The following CSF1 variants were observed in gnomAD, a reference collection of about 807,000 sequenced individuals.
The protein encoded by CSF1 is colony stimulating factor 1, also known as macrophage colony-stimulating factor 1.
CSF1 carries 9 observed loss-of-function variants against 48.9 expected under a neutral mutation model. The ratio of observed to expected loss-of-function variants is 0.18; its 90% CI spans 0.11 to 0.32. The LOEUF (loss-of-function observed/expected upper bound fraction) is 0.32, where lower values mean the gene tolerates loss of function less well. CSF1 is among the 10% of genes least tolerant of loss of function. The pLI, the probability that CSF1 is intolerant of heterozygous loss-of-function variation, is 1.00. For missense variants in CSF1, 672 were observed against 697.9 expected, an observed-to-expected ratio of 0.96 and a Z score of 0.42; for synonymous variants, 305 against 284.1, an observed-to-expected ratio of 1.07 and a Z score of -0.74.
intron 8 of CSF1, chr1:109,925,928 C>G (rs1399707255): frequency 2.0e-5 from 3 of 152,500 alleles, no homozygotes; most frequent in African/African-American, 7.2e-5. Context: ...CCTGCCCCCT[C>G]CATACTGCTC....
Position 109,913,508 on chromosome 1 carries a change from A to G in CSF1, c.40-751A>G, listed in dbSNP as rs1654775816. Among the ~76,000 whole-genome samples the G allele has an allele frequency of 2.0e-5, 3 of 152,372 alleles. No individual in the cohort carries two copies. In the South Asian group the frequency reaches 6.2e-4, roughly 32 times the overall value. ...GGGCTGAGCAACTACTGGGCCAGGT[A>G]GGTGCTGGGAGAGAAGAGGGGTCTC... On this transcript the variant is annotated intron_variant, in intron 1 of 8. Transcript: ENST00000329608.
intron 4 of CSF1, among the ~76,000 whole-genome samples, chr1:109,919,983 T>G (rs888318176): frequency 1.4e-4 from 21 of 149,426 alleles, no homozygotes; most frequent in Non-Finnish European, 3.0e-4. Flanking sequence ...AATAAAAGAC[T>G]GAACCCAGGA....
intron 4 of CSF1, 52 bp from the exon 5 acceptor site, chr1:109,921,795 G>T (rs1298702774): frequency 6.1e-6 from 9 of 1,484,040 alleles, no homozygotes; most frequent in African/African-American, 1.4e-5. Context: ...ATAAGATGGA[G>T]ACATGGGGCC....
In CSF1 at chr1:109,923,956, C is replaced by A; in HGVS notation, c.1335C>A (p.Ser445Arg). The change falls in exon 6 of 9, where the codon AGC becomes AGA. Residue 445 changes from serine (S) to arginine (R), a missense_variant. Transcript: ENST00000329608. ...LPLGELEGRRSTRDRRSPAEP... is the reference protein window; with the variant it reads ...LPLGELEGRRRTRDRRSPAEP... ...TTGGGGAGCTGGAGGGCAGGAGGAGCACCAGGGATCGGAGGAGCCCCGCAG... is the reference window on the plus strand; with the variant it reads ...TTGGGGAGCTGGAGGGCAGGAGGAGAACCAGGGATCGGAGGAGCCCCGCAG... The A allele has an allele frequency of 1.9e-6, 3 of 1,614,168 alleles. No homozygotes were observed. The Admixed American group carries it at 5.0e-5, about 27-fold the overall frequency.
chr1:109,925,491 C>G (rs1282403450), intron 8 of CSF1, among the ~76,000 whole-genome samples: 2 of 152,122 alleles, frequency 1.3e-5, no homozygotes, highest in African/African-American at 4.8e-5. Flanking sequence ...GCAACTAAAC[C>G]CCCCTTTTTC....
rs1397130799 is a variant in CSF1, at chr1:109,930,524, G to A, written c.*1686G>A. 1.3e-5 allele frequency: 2 copies of A among 152,328 alleles called. No individual in the cohort carries two copies. Among genetic ancestry groups the A allele is most frequent in the East Asian group, 3.9e-4 (2 of 5,180 alleles). The allele number at this position is 152,328 out of a possible 1,614,324, so 9.4% of individuals were successfully genotyped here. A position where few individuals can be genotyped will look rare whatever the true frequency, so the allele number is the denominator to read the frequency against. On this transcript the variant is annotated 3_prime_UTR_variant, in exon 9 of 9. Transcript: ENST00000329608. ...CTTCCTGCCCAGGAAAGTGAGGGTC[G>A]GCTGGCCCCACCTTCCCTGTCCTGA...
intron 1 of CSF1, among the ~76,000 whole-genome samples, chr1:109,912,248 C>G (rs1002448944): frequency 6.6e-6 from 1 of 152,036 alleles, no homozygotes; most frequent in Non-Finnish European, 1.5e-5. Flanking sequence ...TCCAAGGGCC[C>G]GGTTCTGCCA....
upstream of CSF1, chr1:109,910,810 C>G (rs868300504): frequency 1.3e-5 from 3 of 224,348 alleles, no homozygotes; most frequent in Non-Finnish European, 2.6e-5. Flanking sequence ...ACATGCCCCC[C>G]AGTCCTCTCT....
intron 4 of CSF1, among the ~76,000 whole-genome samples, chr1:109,918,890 A>G (rs1647380379): frequency 6.6e-6 from 1 of 151,962 alleles, no homozygotes; most frequent in African/African-American, 2.4e-5. Context: ...TGCCACTGTG[A>G]GAAGAGAAGC....
rs898883048 is a variant in CSF1 at position 109,910,914 on chromosome 1, T to C, written c.-110T>C. 4.9e-4 allele frequency: 381 copies of C among 769,724 alleles called. 2 individuals are homozygous for C. Among genetic ancestry groups the C allele is most frequent in the Admixed American group, 3.7e-3 (64 of 17,426 alleles). The allele number at this position is 769,724 out of a possible 1,614,324, so 47.7% of individuals were successfully genotyped here. ...CTCGGCGCCAGAGCCGCTCTCCGCATCCCAGGACAGCGGTGCGGCCCTCGG... is the reference window on the plus strand; with the variant it reads ...CTCGGCGCCAGAGCCGCTCTCCGCACCCCAGGACAGCGGTGCGGCCCTCGG... On this transcript the variant is annotated 5_prime_UTR_variant, in exon 1 of 9. Transcript: ENST00000329608.
At chr1:109,915,249 C>G (rs1225011454) in intron 2 of CSF1, among the ~76,000 whole-genome samples, 2 of 152,242 alleles carry the variant, frequency 1.3e-5, no homozygotes, top group African/African-American at 2.4e-5. Flanking sequence ...GCATCCAGCT[C>G]CAACCCCTAC....
In CSF1 at chr1:109,924,030, G is replaced by A. The variant is rs150476589; in HGVS notation, c.1409G>A (p.Arg470His). The change falls in exon 6 of 9, where the codon CGT becomes CAT. Residue 470 changes from arginine (R) to histidine (H), a missense_variant. Around this residue, in one of 3 missense-constraint regions of CSF1, gnomAD observed 591 missense variants for 593.6 expected, o/e 1.00. Coordinates refer to ENST00000329608, the MANE Select transcript of CSF1 (RefSeq NM_000757.6). ...GAAGGGGCAGCCAGGCCCCTGCCCC[G>A]TTTTAACTCCGTTCCTTTGACTGAC... is the stretch of plus-strand genomic sequence containing the variant. ...ASEGAARPLP[R>H]FNSVPLTDTG... 100 of 1,614,216 alleles carry A rather than the reference G, an allele frequency of 6.2e-5. 1 individual carries two copies. The highest frequency in any genetic ancestry group is 3.3e-4 in the South Asian group (30 of 91,090).
intron 3 of CSF1, 82 bp from the exon 4 acceptor site, chr1:109,917,211 G>A (rs1254351638): frequency 5.4e-6 from 8 of 1,468,530 alleles, no homozygotes; most frequent in Middle Eastern, 2.0e-4. Flanking sequence ...GGGAGAGCAA[G>A]CTGCAACCCT....
At chr1:109,921,813 A>C (rs776665315) in intron 4 of CSF1, 34 bp from the exon 5 acceptor site, 1 of 1,524,726 alleles carries the variant, frequency 6.6e-7, no homozygotes, top group Non-Finnish European at 8.8e-7. Flanking sequence ...GCCAATGGTC[A>C]TGCTCACAAA....
Position 109,924,895 on chromosome 1 carries a change from G to T in CSF1, c.1622+67G>T, listed in dbSNP as rs1301667582. On this transcript the variant is annotated intron_variant, in intron 7 of 8. Transcript: ENST00000329608. ...GGCTTGGGATCTGTTTCCCCTCTTC[G>T]TGGTGGTGGGGCTCTCCTGCTTGCT... 9 of 1,472,642 alleles carry T rather than the reference G, an allele frequency of 6.1e-6. No individual in the cohort carries two copies. In the Admixed American group the frequency reaches 1.3e-4, roughly 22 times the overall value. The allele number at this position is 1,472,642 out of a possible 1,614,324, so 91.2% of individuals were successfully genotyped here.
chr1:109,925,011 T>C (rs965508585), intron 7 of CSF1, 136 bp from the exon 8 acceptor site: 6 of 1,056,386 alleles, frequency 5.7e-6, no homozygotes, highest in Non-Finnish European at 7.3e-6. Context: ...GATTTCTCCG[T>C]AGAGTTAGAC....
intron 3 of CSF1, 138 bp from the exon 4 acceptor site, chr1:109,917,155 A>G: frequency 1.2e-6 from 1 of 831,924 alleles, no homozygotes; most frequent in South Asian, 1.7e-5. Flanking sequence ...TGAGGGCGGC[A>G]TTCTCCTAGT....
chr1:109,924,843 T>TG lies in CSF1; in HGVS notation c.1622+19dup. The TG allele has an allele frequency of 6.2e-7, 1 of 1,603,728 alleles. No individual in the cohort carries two copies. The stretch of plus-strand genomic sequence containing the variant: ...CCAGAGGGCAGGTGAGAGCTTGAGG[T>TG]GGGGCTCTGGGAGGCACTGGGGGCC... On this transcript the variant is annotated intron_variant, in intron 7 of 8. Transcript: ENST00000329608.
intron 3 of CSF1, among the ~76,000 whole-genome samples, 169 bp downstream of exon 3, chr1:109,915,865 C>T (rs1654879244): frequency 6.6e-6 from 1 of 152,118 alleles, no homozygotes. Context: ...GCTCAAGTCC[C>T]CTGCCATTCC....
Sources: allele counts gnomAD v4.1 joint callset (sites outside exome capture counted in the v4.1 genomes callset), GRCh38; gene constraint gnomAD v4.1.1; regional missense constraint gnomAD v4.1.1; transcripts MANE v1.5; gene names NCBI Gene and HGNC (gene_info 2026-07-23, HGNC 2026-07-21).